Variants in SCAF11 observed in about 807,000 individuals in gnomAD.
SCAF11 encodes the protein protein SCAF11.
In SCAF11, 47 loss-of-function variants were observed where a neutral mutation model predicts 140.5. The ratio of observed to expected loss-of-function variants is 0.33; its 90% CI spans 0.26 to 0.43. SCAF11 has a LOEUF of 0.43. SCAF11 is among the 20% of genes least tolerant of loss of function. The pLI is 1.00. For synonymous variants in SCAF11, 557 were observed against 579.4 expected (o/e 0.96, Z 0.55); for missense variants, 1,645 against 1,705.1 (o/e 0.96, Z 0.62).
intron 12 of SCAF11, 80 bp from the exon 13 acceptor site, chr12:45,923,234 T>TA (rs1944759306): frequency 7.8e-7 from 1 of 1,281,906 alleles, no homozygotes; most frequent in Non-Finnish European, 1.1e-6. Context: ...GAAATAACAT[T>TA]AAAAAACACA....
rs1280904597 is a variant in SCAF11, at chr12:45,928,311, A to G, written c.1390T>C (p.Tyr464His). 2 of 1,613,868 alleles carry G rather than the reference A, an allele frequency of 1.2e-6. No homozygotes were observed. The highest frequency in any genetic ancestry group is 2.7e-5 in the African/African-American group (2 of 74,926). Residue 464 changes from tyrosine (Y) to histidine (H), a missense_variant, in exon 11 of 15, where the codon TAT (tyrosine) becomes CAT (histidine). This residue lies in a region of SCAF11 where 1,582 missense variants were observed against 1,609.2 expected (regional missense o/e 0.98). Transcript: ENST00000369367. The part of the protein sequence containing the change: ...IEESEKHTAN[Y>H]DTEERVGSSS... Reference sequence around the variant, plus strand: ...GATCCTACTCTTTCCTCTGTATCATAATTTGCAGTATGCTTCTCACTTTCT... The same window carrying G: ...GATCCTACTCTTTCCTCTGTATCATGATTTGCAGTATGCTTCTCACTTTCT...
chr12:45,928,140 C>G lies in SCAF11; in HGVS notation c.1561G>C (p.Asp521His). 1 of 1,613,932 alleles carries G rather than the reference C, an allele frequency of 6.2e-7. No homozygotes were observed. Among genetic ancestry groups the G allele is most frequent in the Non-Finnish European group, 8.5e-7 (1 of 1,179,978 alleles). ...ISENILEKGG[D>H]PLEKQDQISG... is the part of the protein sequence containing the mutation. ...ATCTGGTCTTGCTTTTCCAATGGAT[C>G]ACCTCCTTTTTCAAGAATATTTTCA... Residue 521 changes from aspartate to histidine, a missense_variant, in exon 11 of 15, where the codon GAT becomes CAT. This residue lies in a region of SCAF11 where 1,582 missense variants were observed against 1,609.2 expected (regional missense o/e 0.98). Transcript: ENST00000369367.
chr12:45,989,739 AAGT>A (rs1267836143), intron 1 of SCAF11, among the ~76,000 whole-genome samples: 1 of 152,292 alleles, frequency 6.6e-6, no homozygotes, highest in East Asian at 1.9e-4. Context: ...GAGTAGTTTG[AAGT>A]TCAGATCAAG....
rs146355113 is a variant in SCAF11, at chr12:45,985,149, T to C, written c.-22+5204A>G. The stretch of plus-strand genomic sequence containing the variant: ...GATGCTCTAATTATTTCAATGTCTA[T>C]GTGTAGAAAACCATGAATTGGTACC... On this transcript the variant is annotated intron_variant, in intron 1 of 14. Transcript: ENST00000369367. Among the ~76,000 whole-genome samples, 747 of 152,360 alleles carry C rather than the reference T, an allele frequency of 4.9e-3. 5 individuals are homozygous for C. The highest frequency in any genetic ancestry group is 0.017 in the African/African-American group (717 of 41,588).
At chr12:45,972,720 T>A (rs1015601312) in intron 1 of SCAF11, among the ~76,000 whole-genome samples, 1 of 148,886 alleles carries the variant, frequency 6.7e-6, no homozygotes, top group Non-Finnish European at 1.5e-5. Flanking sequence ...TTACTTGGCA[T>A]AGAGAGAGGT....
intron 10 of SCAF11, among the ~76,000 whole-genome samples, chr12:45,930,608 C>A (rs1324320023): frequency 6.6e-6 from 1 of 151,936 alleles, no homozygotes; most frequent in African/African-American, 2.4e-5. Flanking sequence ...AAAATTGTTA[C>A]ACTGGTAAAT....
In SCAF11 at chr12:45,926,979, T is replaced by A. The variant is rs967954831; in HGVS notation, c.2722A>T (p.Arg908Trp). 2 of 1,612,830 alleles carry A rather than the reference T, an allele frequency of 1.2e-6. No homozygotes were observed. Among genetic ancestry groups the A allele is most frequent in the African/African-American group, 2.7e-5 (2 of 74,926 alleles). The change falls in exon 11 of 15, where the codon AGG becomes TGG. Residue 908 changes from arginine to tryptophan, a missense_variant. Physicochemically the swap from Arg to Trp is moderately radical, Grantham distance 101 (BLOSUM62 -3). Coordinates refer to ENST00000369367, the MANE Select transcript of SCAF11 (RefSeq NM_004719.3). ...VKDSSPGEKSRSQSRERESDR... is the reference protein window; with the variant it reads ...VKDSSPGEKSWSQSRERESDR... ...CTTTCTCGTTCTCTGCTCTGGGACC[T>A]GGATTTTTCTCCTGGGGAAGAATCT...
Position 45,919,944 on chromosome 12 carries a change from A to T in SCAF11, c.*2104T>A, listed in dbSNP as rs1592157062. On this transcript the variant is annotated 3_prime_UTR_variant, in exon 15 of 15. Transcript: ENST00000369367. ...CAGGAAAAGTATGTATTGTGTGATT[A>T]ATCAGCTTAGGCTTAACTCAAAATA... is the stretch of plus-strand genomic sequence containing the variant. The T allele has an allele frequency of 1.3e-5, 2 of 152,254 alleles. No individual in the cohort carries two copies. Among genetic ancestry groups the T allele is most frequent in the South Asian group, 4.1e-4 (2 of 4,834 alleles). 9.4% of individuals were successfully genotyped at this position (152,254 alleles called of 1,614,324 possible). A position where few individuals can be genotyped will look rare whatever the true frequency, so the allele number is the denominator to read the frequency against.
At chr12:45,991,841 G>C (rs774063785), upstream of SCAF11, 14 of 1,242,506 alleles carry the variant, frequency 1.1e-5, no homozygotes, top group Non-Finnish European at 3.1e-6. Flanking sequence ...TGTCCTGCTT[G>C]CGGCTCCCGC....
chr12:45,957,170 T>C (rs1162652398), intron 3 of SCAF11, among the ~76,000 whole-genome samples: 1 of 152,192 alleles, frequency 6.6e-6, no homozygotes, highest in Admixed American at 6.5e-5. Flanking sequence ...TACATTACCG[T>C]TCACAGAGAG....
chr12:45,972,906 A>G (rs1410814355), intron 1 of SCAF11, among the ~76,000 whole-genome samples: 1 of 98,796 alleles, frequency 1.0e-5, no homozygotes, highest in Non-Finnish European at 2.1e-5. Flanking sequence ...ATATATATAT[A>G]TAGATATATA....
At chr12:45,938,659 A>G (rs572408111) in intron 6 of SCAF11, among the ~76,000 whole-genome samples, 47 of 151,906 alleles carry the variant, frequency 3.1e-4, no homozygotes, top group Non-Finnish European at 6.3e-4. Context: ...ATCCCTAAAC[A>G]TGTTTCATGA....
At chr12:45,973,023 TATATAG>T (rs1472531396) in intron 1 of SCAF11, among the ~76,000 whole-genome samples, 2 of 146,662 alleles carry the variant, frequency 1.4e-5, no homozygotes, top group South Asian at 2.1e-4. Context: ...GATATATAGA[TATATAG>T]ATATAGATAT....
At chr12:45,950,180 T>A (rs1945517325) in intron 4 of SCAF11, among the ~76,000 whole-genome samples, 1 of 152,142 alleles carries the variant, frequency 6.6e-6, no homozygotes, top group Non-Finnish European at 1.5e-5. Flanking sequence ...GTGAGGGTAG[T>A]GTTTGTAAAA....
intron 1 of SCAF11, among the ~76,000 whole-genome samples, chr12:45,981,030 A>G (rs996313753): frequency 1.3e-5 from 2 of 152,220 alleles, no homozygotes; most frequent in Non-Finnish European, 2.9e-5. Context: ...CAAAATAAAG[A>G]AATATTGTCA....
At chr12:45,946,417 T>C (rs1008727358) in intron 5 of SCAF11, among the ~76,000 whole-genome samples, 8 of 152,176 alleles carry the variant, frequency 5.3e-5, no homozygotes, top group African/African-American at 1.9e-4. Flanking sequence ...TGACAGAGAT[T>C]TTCCACCTTG....
At chr12:45,968,593 T>C (rs1259267993) in intron 1 of SCAF11, among the ~76,000 whole-genome samples, 1 of 152,016 alleles carries the variant, frequency 6.6e-6, no homozygotes, top group African/African-American at 2.4e-5. Flanking sequence ...CATTTTCCCA[T>C]AGTAGAATAC....
intron 11 of SCAF11, 110 bp from the exon 12 acceptor site, chr12:45,925,184 G>C: frequency 1.4e-6 from 1 of 720,790 alleles, no homozygotes; most frequent in South Asian, 1.9e-5. Context: ...AATAGGCTCA[G>C]TATACCAATA....
intron 8 of SCAF11, 136 bp from the exon 9 acceptor site, chr12:45,933,368 C>T (rs989668889): frequency 6.0e-6 from 3 of 498,406 alleles, no homozygotes; most frequent in African/African-American, 1.9e-5. Flanking sequence ...GAGCTCTTTT[C>T]TATTTAAACA....
Sources: allele counts gnomAD v4.1 joint callset (sites outside exome capture counted in the v4.1 genomes callset), GRCh38; gene constraint gnomAD v4.1.1; regional missense constraint gnomAD v4.1.1; transcripts MANE v1.5; gene names NCBI Gene and HGNC (gene_info 2026-07-23, HGNC 2026-07-21).